MFSD8: variants seen among roughly 807,000 people sequenced by gnomAD.
The protein encoded by MFSD8 is major facilitator superfamily domain-containing protein 8.
A neutral mutation model predicts 66.4 loss-of-function variants in MFSD8; 55 were observed. The observed-to-expected ratio is 0.83, with a 90% CI of 0.67 to 1.04. The LOEUF is 1.04. Ranked by LOEUF, MFSD8 falls within the 50% of genes least tolerant of loss-of-function variation. MFSD8 has a pLI of 0.00. For synonymous variants in MFSD8, 202 were observed against 212.8 expected (o/e 0.95, Z 0.44); for missense variants, 550 against 627.6 (o/e 0.88, Z 1.32).
At chr4:127,921,336 A>G in intron 11 of MFSD8, 188 bp downstream of exon 11, 1 of 980,352 alleles carries the variant, frequency 1.0e-6, no homozygotes, top group South Asian at 1.7e-5. Context: ...TGTATCCAAA[A>G]CTATAACCCA....
intron 1 of MFSD8, among the ~76,000 whole-genome samples, chr4:127,961,775 T>G (rs6822340): frequency 1.4e-5 from 2 of 140,910 alleles, no homozygotes; most frequent in African/African-American, 5.2e-5. Context: ...GAGCCGAGAT[T>G]GCGCCACTGC....
rs1935775164 is a variant in MFSD8, at chr4:127,964,553, G to A, written c.62+519C>T. On this transcript the variant is annotated intron_variant, in intron 1 of 11. Transcript: ENST00000641686. The stretch of plus-strand genomic sequence containing the variant: ...CCAGTGCGGGGCCCGCCAAGCCCAC[G>A]CCCACTCGGAACTCCAGCTGGCCCG... 5 of 175,866 alleles carry A rather than the reference G, an allele frequency of 2.8e-5. No individual in the cohort carries two copies. In the South Asian group the frequency reaches 4.3e-4, roughly 15 times the overall value. The allele number at this position is 175,866 out of a possible 1,614,324, so 10.9% of individuals were successfully genotyped here.
chr4:127,952,277 C>A (rs1485696302), intron 2 of MFSD8, among the ~76,000 whole-genome samples: 1 of 151,634 alleles, frequency 6.6e-6, no homozygotes, highest in East Asian at 2.0e-4. Context: ...TAGCGGCATG[C>A]ATCGTAGTCC....
At chr4:127,927,900 C>G (rs942861280) in intron 9 of MFSD8, among the ~76,000 whole-genome samples, 22 of 152,022 alleles carry the variant, frequency 1.4e-4, no homozygotes, top group African/African-American at 5.1e-4. Context: ...CTCATTATAT[C>G]ATAGTGAGAT....
At chr4:127,940,534 A>ATATG (rs932121067) in intron 5 of MFSD8, among the ~76,000 whole-genome samples, 3 of 145,768 alleles carry the variant, frequency 2.1e-5, no homozygotes, top group African/African-American at 7.7e-5. Flanking sequence ...ATATATATAT[A>ATATG]TATATGTGTG....
intron 1 of MFSD8, among the ~76,000 whole-genome samples, chr4:127,960,751 C>T (rs762648647): frequency 2.6e-5 from 4 of 152,004 alleles, no homozygotes; most frequent in African/African-American, 2.4e-5. Flanking sequence ...GAGCTACAAA[C>T]GGTTTTTACA....
intron 11 of MFSD8, chr4:127,921,040 A>C: frequency 1.7e-6 from 1 of 600,224 alleles, no homozygotes; most frequent in Non-Finnish European, 2.9e-6. Flanking sequence ...TGTAAAGGGA[A>C]AAACTTACTG....
intron 8 of MFSD8, among the ~76,000 whole-genome samples, chr4:127,931,334 A>G (rs1738094915): frequency 6.6e-6 from 1 of 152,060 alleles, no homozygotes; most frequent in East Asian, 1.9e-4. Context: ...ACTGACTACA[A>G]AATGCAATTT....
intron 2 of MFSD8, among the ~76,000 whole-genome samples, chr4:127,951,287 T>A (rs1741910963): frequency 6.6e-6 from 1 of 152,212 alleles, no homozygotes; most frequent in Non-Finnish European, 1.5e-5. Flanking sequence ...TGGAGTGTAG[T>A]GACCCGATCT....
chr4:127,950,666 A>G (rs1339190212), intron 2 of MFSD8, among the ~76,000 whole-genome samples: 1 of 151,240 alleles, frequency 6.6e-6, no homozygotes, highest in South Asian at 2.1e-4. Flanking sequence ...GCACTCCAGC[A>G]TGGGTGACAG....
chr4:127,955,870 G>A (rs879546045), intron 2 of MFSD8, among the ~76,000 whole-genome samples: 2 of 152,188 alleles, frequency 1.3e-5, no homozygotes, highest in Non-Finnish European at 1.5e-5. Flanking sequence ...TGTAATCCCA[G>A]CACTTTGGGA....
intron 8 of MFSD8, chr4:127,932,461 T>C (rs1578849272): frequency 6.6e-6 from 1 of 152,542 alleles, no homozygotes; most frequent in African/African-American, 2.4e-5. Flanking sequence ...AGAAATACAG[T>C]TGTAATATTT....
At chr4:127,934,123 A>T (rs988347353) in intron 7 of MFSD8, among the ~76,000 whole-genome samples, 1 of 152,146 alleles carries the variant, frequency 6.6e-6, no homozygotes, top group Admixed American at 6.6e-5. Context: ...CATGCCTGTA[A>T]TCTCAGCCAC....
Position 127,920,418 on chromosome 4 carries a change from T to C in MFSD8, c.*212A>G. 1 of 590,502 alleles carries C rather than the reference T, an allele frequency of 1.7e-6. No individual in the cohort carries two copies. The highest frequency in any genetic ancestry group is 2.9e-5 in the East Asian group (1 of 34,266). 36.6% of individuals were successfully genotyped at this position (590,502 alleles called of 1,614,324 possible). ...TAAGAATAATATTTCATTTCTGAGGTAAGGAAATTATCATCTAGTATGTTT... is the reference window on the plus strand; with the variant it reads ...TAAGAATAATATTTCATTTCTGAGGCAAGGAAATTATCATCTAGTATGTTT... On this transcript the variant is annotated 3_prime_UTR_variant, in exon 12 of 12. Transcript: ENST00000641686.
intron 2 of MFSD8, among the ~76,000 whole-genome samples, chr4:127,956,073 C>T (rs1392131667): frequency 1.3e-5 from 2 of 151,138 alleles, no homozygotes; most frequent in Non-Finnish European, 3.0e-5. Flanking sequence ...AAGCCGAGAT[C>T]ACACCACTGC....
intron 7 of MFSD8, chr4:127,933,858 C>T (rs994866343): frequency 1.3e-5 from 2 of 152,148 alleles, no homozygotes; most frequent in Admixed American, 6.5e-5. Context: ...CTATGATTTA[C>T]TACAATGGAT....
chr4:127,955,519 GA>G (rs1273723071), intron 2 of MFSD8, among the ~76,000 whole-genome samples: 4 of 139,514 alleles, frequency 2.9e-5, no homozygotes, highest in African/African-American at 1.1e-4. Flanking sequence ...CAGCTTGGAC[GA>G]CAGAGCGAGA....
chr4:127,945,237 T>C (rs1156691910), intron 3 of MFSD8: 1 of 152,218 alleles, frequency 6.6e-6, no homozygotes, highest in Non-Finnish European at 1.5e-5. Flanking sequence ...TAAACAAATA[T>C]AGATAAGTGG....
chr4:127,955,874 T>G lies in MFSD8; in HGVS notation c.154+1627A>C, dbSNP rs546554914. On this transcript the variant is annotated intron_variant, in intron 2 of 11. Coordinates refer to ENST00000641686, the MANE Select transcript of MFSD8 (RefSeq NM_001371596.2). Reference sequence around the variant, plus strand: ...TGGCTCACGCCTGTAATCCCAGCACTTTGGGAGGCTGAGGCGGGCAGATCA... The same window carrying G: ...TGGCTCACGCCTGTAATCCCAGCACGTTGGGAGGCTGAGGCGGGCAGATCA... 2.6e-5 allele frequency among the ~76,000 whole-genome samples: 4 copies of G among 152,188 alleles called. No individual in the cohort carries two copies. In the East Asian group the frequency reaches 7.7e-4, roughly 29 times the overall value.
Sources: allele counts gnomAD v4.1 joint callset (sites outside exome capture counted in the v4.1 genomes callset), GRCh38; gene constraint gnomAD v4.1.1; transcripts MANE v1.5; gene names NCBI Gene and HGNC (gene_info 2026-07-23, HGNC 2026-07-21).